DNAH11: variants seen among roughly 807,000 people sequenced by gnomAD.
DNAH11 encodes the protein axonemal beta dynein heavy chain 11.
Under a neutral mutation model 526.0 loss-of-function variants are expected in DNAH11, and 442 were observed. The ratio of observed to expected loss-of-function variants is 0.84; its 90% CI spans 0.78 to 0.91. DNAH11 has a LOEUF of 0.91. DNAH11 is among the 40% of genes least tolerant of loss of function. DNAH11 has a pLI of 0.00. For synonymous variants in DNAH11, 2,461 were observed against 1,935.9 expected, an observed-to-expected ratio of 1.27 and a Z score of -7.12; for missense variants, 6,989 against 5,448.7, an observed-to-expected ratio of 1.28 and a Z score of -8.90.
intron 8 of DNAH11, among the ~76,000 whole-genome samples, chr7:21,581,341 C>T (rs991676835): frequency 1.3e-5 from 2 of 152,116 alleles, no homozygotes; most frequent in African/African-American, 4.8e-5. Flanking sequence ...TAAACGCACG[C>T]TAATAAGAAA....
chr7:21,760,058 A>G (rs1450270324), intron 54 of DNAH11, among the ~76,000 whole-genome samples: 2 of 152,016 alleles, frequency 1.3e-5, no homozygotes, highest in East Asian at 3.9e-4. Context: ...GGACTTTCTA[A>G]TCCCACTGTT....
rs531319184 is a variant in DNAH11 at position 21,714,801 on chromosome 7, T to C, written c.6983+2941T>C. 9.8e-5 allele frequency among the ~76,000 whole-genome samples: 15 copies of C among 152,334 alleles called. No homozygotes were observed. In the South Asian group the frequency reaches 3.1e-3, roughly 32 times the overall value. The stretch of plus-strand genomic sequence containing the variant: ...GGCATAGAGGCACATTTTCTACTTT[T>C]ATTAATTTTTGCTGAAATATATGAA... On this transcript the variant is annotated intron_variant, in intron 42 of 81. Coordinates refer to ENST00000409508, the MANE Select transcript of DNAH11 (RefSeq NM_001277115.2).
chr7:21,755,986 T>G (rs1417937840), intron 54 of DNAH11, among the ~76,000 whole-genome samples: 2 of 152,104 alleles, frequency 1.3e-5, no homozygotes, highest in African/African-American at 4.8e-5. Flanking sequence ...AATGTTCTGG[T>G]TTTAGGTGTT....
At chr7:21,745,724 G>T (rs770739307) in intron 51 of DNAH11, among the ~76,000 whole-genome samples, 35 of 152,316 alleles carry the variant, frequency 2.3e-4, no homozygotes, top group Non-Finnish European at 4.3e-4. Flanking sequence ...GAATAAGCAA[G>T]AAAAATATCA....
At chr7:21,716,617 C>T (rs1784673859) in intron 42 of DNAH11, among the ~76,000 whole-genome samples, 1 of 152,186 alleles carries the variant, frequency 6.6e-6, no homozygotes, top group Non-Finnish European at 1.5e-5. Flanking sequence ...CCACTTTCCA[C>T]TCTGGCAGCT....
rs147760354 is a variant in DNAH11, at chr7:21,750,579, C to T, written c.8940+215C>T. On this transcript the variant is annotated intron_variant, in intron 54 of 81. Coordinates refer to ENST00000409508, the MANE Select transcript of DNAH11 (RefSeq NM_001277115.2). Reference sequence around the variant, plus strand: ...ATTGCTGAGCGGTGTGTGCAGTCCTCAGCTGAAGTGCATGTGGTCTGTGCC... The same window carrying T: ...ATTGCTGAGCGGTGTGTGCAGTCCTTAGCTGAAGTGCATGTGGTCTGTGCC... Among the ~76,000 whole-genome samples the T allele has an allele frequency of 2.8e-4, 43 of 152,326 alleles. 1 individual carries two copies. Among genetic ancestry groups the T allele is most frequent in the South Asian group, 1.9e-3 (9 of 4,820 alleles).
intron 2 of DNAH11, among the ~76,000 whole-genome samples, chr7:21,558,553 G>A (rs1045455945): frequency 2.0e-5 from 3 of 152,132 alleles, no homozygotes; most frequent in African/African-American, 7.2e-5. Flanking sequence ...TGAGTTATTG[G>A]GAACCTCCAC....
chr7:21,613,711 G>C (rs1785637364), intron 20 of DNAH11, among the ~76,000 whole-genome samples: 1 of 152,168 alleles, frequency 6.6e-6, no homozygotes, highest in African/African-American at 2.4e-5. Context: ...AGATGATGAA[G>C]TATGTGAGAT....
At position 21,559,752 on chromosome 7, in the gene DNAH11, G is replaced by A; in HGVS notation, c.842G>A (p.Trp281Ter). 1 of 1,606,762 alleles carries A rather than the reference G, an allele frequency of 6.2e-7. No individual in the cohort carries two copies. Among genetic ancestry groups the A allele is most frequent in the Non-Finnish European group, 8.5e-7 (1 of 1,176,156 alleles). ...HLSPQAELDFWMMRRENLSCI... is the reference protein window; with the variant it reads ...HLSPQAELDF ...TCTCCTCAAGCAGAACTAGATTTCT[G>A]GATGATGAGGAGAGAAAATCTGTCA... is the stretch of plus-strand genomic sequence containing the variant. Residue 281 changes from tryptophan to a stop codon, truncating the protein, a stop_gained, in exon 4 of 82, where the codon TGG becomes TAG. Transcript: ENST00000409508. LOFTEE classifies it high-confidence loss of function.
At position 21,767,891 on chromosome 7, in the gene DNAH11, G is replaced by A. The variant is rs73275702; in HGVS notation, c.9102+2302G>A. On this transcript the variant is annotated intron_variant, in intron 55 of 81. Transcript: ENST00000409508. ...ATTTAGGCACTTCTTAATTATTGAC[G>A]TCATTTGCTGAGTGTAAGGTGCTTA... Among the ~76,000 whole-genome samples the A allele has an allele frequency of 4.6e-3, 701 of 152,064 alleles. 5 individuals carry two copies. Among genetic ancestry groups the A allele is most frequent in the African/African-American group, 0.016 (662 of 41,462 alleles).
rs1784672046 is a variant in DNAH11, at chr7:21,591,294, A to AGCTGACAGCAGCCACAACGTG, written c.2392_2412dup (p.Ala798_Thr804dup). 6.2e-7 allele frequency: 1 copy of AGCTGACAGCAGCCACAACGTG among 1,613,496 alleles called. No individual in the cohort carries two copies. The highest frequency in any genetic ancestry group is 1.3e-5 in the African/African-American group (1 of 74,928). On this transcript the variant is annotated inframe_insertion, in exon 14 of 82. Coordinates refer to ENST00000409508, the MANE Select transcript of DNAH11 (RefSeq NM_001277115.2). ...GATGAGCTGAGGGCTATTGACGAGC[A>AGCTGACAGCAGCCACAACGTG]GCTGACAGCAGCCACAACGTGGCTG...
intron 2 of DNAH11, among the ~76,000 whole-genome samples, chr7:21,553,973 A>T: frequency 6.6e-6 from 1 of 152,040 alleles, no homozygotes. Context: ...GCCTTGCCCT[A>T]CTGGGTCCTC....
At chr7:21,647,203 G>T (rs1392039873) in intron 28 of DNAH11, among the ~76,000 whole-genome samples, 2 of 152,092 alleles carry the variant, frequency 1.3e-5, no homozygotes, top group East Asian at 3.9e-4. Flanking sequence ...TTGATGAAAA[G>T]TACAAAAGTG....
chr7:21,698,305 C>T, intron 36 of DNAH11, 92 bp downstream of exon 36: 1 of 1,521,960 alleles, frequency 6.6e-7, no homozygotes, highest in South Asian at 1.3e-5. Context: ...ATTCAAATTA[C>T]ATTAGACATT....
At chr7:21,894,833 C>A (rs759460191) in intron 78 of DNAH11, 28 bp downstream of exon 78, 1 of 1,611,462 alleles carries the variant, frequency 6.2e-7, no homozygotes. Context: ...CTATAGTAGA[C>A]TTCAGCACAT....
At chr7:21,611,709 A>T (rs1027571640) in intron 20 of DNAH11, among the ~76,000 whole-genome samples, 1 of 152,220 alleles carries the variant, frequency 6.6e-6, no homozygotes, top group Non-Finnish European at 1.5e-5. Flanking sequence ...TTAGGCTAAG[A>T]GCATACTTCT....
In DNAH11 at chr7:21,658,942, C is replaced by A; in HGVS notation, c.5239C>A (p.Gln1747Lys). The change falls in exon 30 of 82, where the codon CAA becomes AAA. Residue 1747 changes from glutamine (Q) to lysine (K), a missense_variant. Coordinates refer to ENST00000409508, the MANE Select transcript of DNAH11 (RefSeq NM_001277115.2). Reference protein sequence around the residue: ...FPAQVALTSSQIWWTTDVGIA... With the variant: ...FPAQVALTSSKIWWTTDVGIA... ...AGCTCAGGTTGCACTAACCAGCTCA[C>A]AAATATGGTGGACCACAGATGTAGG... The A allele has an allele frequency of 6.2e-7, 1 of 1,610,950 alleles. No individual in the cohort carries two copies. Among genetic ancestry groups the A allele is most frequent in the South Asian group, 1.1e-5 (1 of 90,342 alleles).
intron 66 of DNAH11, among the ~76,000 whole-genome samples, chr7:21,849,040 C>T (rs1026640429): frequency 3.3e-5 from 5 of 152,172 alleles, no homozygotes; most frequent in African/African-American, 1.2e-4. Flanking sequence ...CATGTACCGC[C>T]ATGCCCAGCT....
intron 62 of DNAH11, among the ~76,000 whole-genome samples, chr7:21,802,111 T>G (rs1789021918): frequency 6.6e-6 from 1 of 152,200 alleles, no homozygotes; most frequent in Non-Finnish European, 1.5e-5. Flanking sequence ...AGACATAATG[T>G]ACGTTCAAGT....
Sources: gnomAD v4.1 joint callset for allele counts (sites outside exome capture counted in the v4.1 genomes callset) on GRCh38, gnomAD v4.1.1 for gene constraint, MANE v1.5 for transcripts, NCBI Gene and HGNC (gene_info 2026-07-23, HGNC 2026-07-21) for gene names.